The following AIG1 variants were observed in gnomAD, a reference collection of about 807,000 sequenced individuals.
The protein encoded by AIG1 is androgen induced 1.
In AIG1, 23 loss-of-function variants were observed where a neutral mutation model predicts 31.4. The observed-to-expected ratio is 0.73, with a 90% CI of 0.53 to 1.04. AIG1 has a LOEUF of 1.04. Among genes scored for constraint, AIG1 ranks in the 50% least tolerant of loss-of-function variants. The pLI is 0.00. For synonymous variants in AIG1, 100 were observed against 110.5 expected (o/e 0.90, Z 0.60); for missense variants, 274 against 295.0 (o/e 0.93, Z 0.52).
intron 3 of AIG1, among the ~76,000 whole-genome samples, chr6:143,255,431 T>A (rs1166770717): frequency 1.3e-5 from 2 of 152,210 alleles, no homozygotes; most frequent in African/African-American, 4.8e-5. Flanking sequence ...CCTGTCCTCA[T>A]GTGGCCTCTT....
rs1034987864 is a variant in AIG1, at chr6:143,220,508, ACT to A, written c.399+55327_399+55328del. Among the ~76,000 whole-genome samples the A allele has an allele frequency of 9.2e-5, 14 of 152,166 alleles. 1 individual carries two copies. The highest frequency in any genetic ancestry group is 3.4e-4 in the African/African-American group (14 of 41,504). The stretch of plus-strand genomic sequence containing the variant: ...CTATCATACAGATGCAGAAACCGAG[ACT>A]CAGAGTGGTTTAATTGCCAACTCTG... On this transcript the variant is annotated intron_variant, in intron 3 of 5. Coordinates refer to ENST00000357847, the MANE Select transcript of AIG1 (RefSeq NM_016108.4).
intron 2 of AIG1, among the ~76,000 whole-genome samples, chr6:143,144,736 C>T (rs1432673586): frequency 6.6e-6 from 1 of 152,196 alleles, no homozygotes; most frequent in Non-Finnish European, 1.5e-5. Flanking sequence ...TGTTCCCTTA[C>T]CTTGCTTTAT....
chr6:143,182,580 C>A (rs142374652), intron 3 of AIG1, among the ~76,000 whole-genome samples: 2 of 152,270 alleles, frequency 1.3e-5, no homozygotes, highest in East Asian at 3.9e-4. Flanking sequence ...CCCCATACTC[C>A]CCACTCACTG....
At chr6:143,265,901 T>G (rs746754348) in intron 3 of AIG1, among the ~76,000 whole-genome samples, 1 of 152,240 alleles carries the variant, frequency 6.6e-6, no homozygotes, top group African/African-American at 2.4e-5. Flanking sequence ...TCCCAGCTGT[T>G]CCTTCAAGGT....
At chr6:143,308,800 T>C (rs1202865513) in intron 4 of AIG1, among the ~76,000 whole-genome samples, 1 of 152,216 alleles carries the variant, frequency 6.6e-6, no homozygotes, top group Admixed American at 6.5e-5. Flanking sequence ...AGTACGCCTT[T>C]AGTGCCTCCA....
chr6:143,276,221 A>T (rs1363017184), intron 3 of AIG1, among the ~76,000 whole-genome samples: 1 of 152,236 alleles, frequency 6.6e-6, no homozygotes, highest in Non-Finnish European at 1.5e-5. Context: ...TGCATGTCTT[A>T]ATTAAGTGTG....
chr6:143,266,078 C>T (rs1456507510), intron 3 of AIG1, among the ~76,000 whole-genome samples: 2 of 152,198 alleles, frequency 1.3e-5, no homozygotes, highest in Non-Finnish European at 2.9e-5. Flanking sequence ...AGCTGGGCGC[C>T]ATGGCTCACG....
At chr6:143,079,007 T>C (rs1777974175) in intron 1 of AIG1, among the ~76,000 whole-genome samples, 2 of 152,186 alleles carry the variant, frequency 1.3e-5, no homozygotes, top group Non-Finnish European at 2.9e-5. Flanking sequence ...GAAAGAGTCT[T>C]CTCAAAATTT....
chr6:143,181,285 C>G (rs1788693093), intron 3 of AIG1, among the ~76,000 whole-genome samples: 1 of 152,272 alleles, frequency 6.6e-6, no homozygotes, highest in East Asian at 1.9e-4. Flanking sequence ...TTAGGAACCT[C>G]TCTCTAGGAC....
intron 3 of AIG1, chr6:143,189,153 C>T (rs1021698673): frequency 1.1e-4 from 57 of 518,594 alleles, no homozygotes; most frequent in Middle Eastern, 1.9e-3. Context: ...AAGCAATCCT[C>T]CTGCCTCAGC....
chr6:143,133,812 C>T (rs576699066), intron 1 of AIG1, among the ~76,000 whole-genome samples: 2 of 152,182 alleles, frequency 1.3e-5, no homozygotes, highest in Admixed American at 6.5e-5. Flanking sequence ...AACTTTCTTT[C>T]TTGGACTTAT....
intron 3 of AIG1, among the ~76,000 whole-genome samples, chr6:143,242,192 C>T (rs925366668): frequency 1.3e-5 from 2 of 152,088 alleles, no homozygotes; most frequent in African/African-American, 2.4e-5. Flanking sequence ...GAAGCAAGAA[C>T]GCAGCCAAAT....
intron 3 of AIG1, among the ~76,000 whole-genome samples, chr6:143,218,984 C>T (rs1228529423): frequency 4.6e-5 from 7 of 152,184 alleles, no homozygotes; most frequent in Admixed American, 2.6e-4. Context: ...CTGAGGAAAC[C>T]TCTGTGAACT....
chr6:143,337,012 C>G (rs539658573), intron 5 of AIG1, among the ~76,000 whole-genome samples: 16 of 152,338 alleles, frequency 1.1e-4, no homozygotes, highest in Middle Eastern at 3.4e-3. Context: ...AAATAATCCT[C>G]TTTGGCTAGA....
At chr6:143,116,430 A>G (rs1431930648) in intron 1 of AIG1, among the ~76,000 whole-genome samples, 1 of 152,058 alleles carries the variant, frequency 6.6e-6, no homozygotes, top group Non-Finnish European at 1.5e-5. Flanking sequence ...TTTATTGAGT[A>G]CCTGGGATTC....
intron 3 of AIG1, among the ~76,000 whole-genome samples, chr6:143,228,234 G>C (rs1009458573): frequency 1.3e-5 from 2 of 152,158 alleles, no homozygotes; most frequent in African/African-American, 4.8e-5. Flanking sequence ...TGTTCTCCGT[G>C]ACCTACAATG....
chr6:143,246,955 A>ATACAG (rs574776118), intron 3 of AIG1, among the ~76,000 whole-genome samples: 185 of 152,350 alleles, frequency 1.2e-3, no homozygotes, highest in African/African-American at 4.2e-3. Flanking sequence ...CAGGAAAAGG[A>ATACAG]TACAGAATAA....
chr6:143,178,250 A>T lies in AIG1; in HGVS notation c.399+13067A>T, dbSNP rs189193845. Among the ~76,000 whole-genome samples, 632 of 152,136 alleles carry T rather than the reference A, an allele frequency of 4.2e-3. 2 individuals are homozygous for T. Among genetic ancestry groups the T allele is most frequent in the Non-Finnish European group, 7.1e-3 (485 of 67,984 alleles). On this transcript the variant is annotated intron_variant, in intron 3 of 5. Coordinates refer to ENST00000357847, the MANE Select transcript of AIG1 (RefSeq NM_016108.4). ...CATGACTCTGCATCCCTCTGGGTGG[A>T]TGTGGTGGGATGTCCCAGGGACCCC...
intron 1 of AIG1, among the ~76,000 whole-genome samples, chr6:143,079,302 G>A (rs950159909): frequency 2.0e-5 from 3 of 152,144 alleles, no homozygotes; most frequent in Non-Finnish European, 4.4e-5. Context: ...CTGGAAAGAA[G>A]GGGCTTCTCC....
Sources: allele counts gnomAD v4.1 joint callset (sites outside exome capture counted in the v4.1 genomes callset), GRCh38; gene constraint gnomAD v4.1.1; transcripts MANE v1.5; gene names NCBI Gene and HGNC (gene_info 2026-07-23, HGNC 2026-07-21).